PTPRD: variants seen among roughly 807,000 people sequenced by gnomAD.
PTPRD encodes the protein protein tyrosine phosphatase receptor type D, also known as receptor-type tyrosine-protein phosphatase delta.
PTPRD carries 34 observed loss-of-function variants against 214.5 expected under a neutral mutation model. The observed-to-expected ratio is 0.16, with a 90% CI of 0.12 to 0.21. The LOEUF is 0.21. PTPRD is among the 10% of genes least tolerant of loss of function. PTPRD has a pLI of 1.00. For missense variants in PTPRD, 2,545 were observed against 2,398.7 expected, an observed-to-expected ratio of 1.06 and a Z score of -1.27; for synonymous variants, 1,128 against 845.7, an observed-to-expected ratio of 1.33 and a Z score of -5.79.
chr9:8,788,253 A>ATTTTTTTTTT (rs776984034), intron 11 of PTPRD, among the ~76,000 whole-genome samples: 2 of 85,264 alleles, frequency 2.3e-5, no homozygotes, highest in Non-Finnish European at 4.2e-5. Flanking sequence ...ATATAAGATG[A>ATTTTTTTTTT]TTTTTTTTTT....
At chr9:9,976,638 T>C (rs1012862212) in intron 4 of PTPRD, among the ~76,000 whole-genome samples, 3 of 130,508 alleles carry the variant, frequency 2.3e-5, no homozygotes, top group African/African-American at 9.0e-5. Context: ...TCCCCCGCCT[T>C]GACCTCCCAA....
At chr9:8,994,897 GC>G (rs1230616367) in intron 11 of PTPRD, among the ~76,000 whole-genome samples, 1 of 152,048 alleles carries the variant, frequency 6.6e-6, no homozygotes, top group Admixed American at 6.6e-5. Context: ...TCAAAATTAA[GC>G]TAAAGGGAAC....
intron 9 of PTPRD, among the ~76,000 whole-genome samples, chr9:9,232,730 C>G (rs1296093018): frequency 1.3e-5 from 2 of 152,030 alleles, no homozygotes; most frequent in East Asian, 3.9e-4. Flanking sequence ...AAACAATACT[C>G]CAAAGTATGG....
chr9:9,289,471 G>A (rs993092614), intron 9 of PTPRD, among the ~76,000 whole-genome samples: 1 of 151,704 alleles, frequency 6.6e-6, no homozygotes, highest in African/African-American at 2.4e-5. Flanking sequence ...ACTACCCACA[G>A]TTACTATTTG....
At chr9:10,321,292 A>T (rs1052906344) in intron 3 of PTPRD, among the ~76,000 whole-genome samples, 1 of 152,082 alleles carries the variant, frequency 6.6e-6, no homozygotes, top group Admixed American at 6.6e-5. Context: ...CAGTCAGAGA[A>T]AACATCTCTG....
chr9:10,460,103 T>G (rs1193910021), intron 2 of PTPRD, among the ~76,000 whole-genome samples: 1 of 151,868 alleles, frequency 6.6e-6, no homozygotes, highest in African/African-American at 2.4e-5. Context: ...AATAACGACC[T>G]AGACCAAAAA....
intron 6 of PTPRD, among the ~76,000 whole-genome samples, chr9:9,753,748 T>C (rs567163047): frequency 1.3e-5 from 2 of 152,118 alleles, no homozygotes; most frequent in South Asian, 4.1e-4. Context: ...GTGTAATTAT[T>C]GGGCCTCTAA....
At chr9:9,209,409 C>T (rs1326975750) in intron 9 of PTPRD, among the ~76,000 whole-genome samples, 2 of 152,020 alleles carry the variant, frequency 1.3e-5, no homozygotes, top group African/African-American at 2.4e-5. Flanking sequence ...CATCTGGATT[C>T]AGATACAAGT....
intron 3 of PTPRD, among the ~76,000 whole-genome samples, chr9:10,103,873 T>C (rs1007991804): frequency 6.6e-6 from 1 of 151,656 alleles, no homozygotes; most frequent in Admixed American, 6.6e-5. Context: ...GACAGCACCA[T>C]TCTTCACAAT....
intron 14 of PTPRD, among the ~76,000 whole-genome samples, chr9:8,545,040 G>T: frequency 6.6e-6 from 1 of 151,862 alleles, no homozygotes; most frequent in East Asian, 1.9e-4. Flanking sequence ...TTCTTAATAT[G>T]ACAGAGACTT....
intron 14 of PTPRD, among the ~76,000 whole-genome samples, chr9:8,555,270 G>C (rs1197263550): frequency 6.6e-6 from 1 of 152,132 alleles, no homozygotes; most frequent in Non-Finnish European, 1.5e-5. Flanking sequence ...AGCCAAGCAT[G>C]ACAGTGTGTT....
rs970644843 is a variant in PTPRD, at chr9:8,339,332, G to T, written c.5254-285C>A. On this transcript the variant is annotated intron_variant, in intron 42 of 45. Coordinates refer to ENST00000381196, the MANE Select transcript of PTPRD (RefSeq NM_002839.4). The stretch of plus-strand genomic sequence containing the variant: ...GAATTGAGAATTGAATACTTTCATA[G>T]GGTAAGCATCTTCATACCTACAAGT... 8.5e-5 allele frequency among the ~76,000 whole-genome samples: 13 copies of T among 152,164 alleles called. No individual in the cohort carries two copies. The South Asian group carries it at 1.0e-3, about 12-fold the overall frequency.
At chr9:9,688,810 G>C (rs760197002) in intron 7 of PTPRD, among the ~76,000 whole-genome samples, 2 of 151,550 alleles carry the variant, frequency 1.3e-5, no homozygotes, top group African/African-American at 2.4e-5. Context: ...AATCTTCCAA[G>C]TTCCAGAGAT....
intron 3 of PTPRD, among the ~76,000 whole-genome samples, chr9:10,064,890 C>G (rs2154172969): frequency 6.6e-6 from 1 of 152,040 alleles, no homozygotes; most frequent in East Asian, 1.9e-4. Context: ...TGGCCTTGGC[C>G]AGTGTCTTAC....
intron 12 of PTPRD, among the ~76,000 whole-genome samples, chr9:8,681,237 T>C (rs952249529): frequency 2.0e-5 from 3 of 152,186 alleles, no homozygotes; most frequent in African/African-American, 7.2e-5. Context: ...AATCAGTTTT[T>C]AGTTAATGGT....
At chr9:10,061,113 G>C (rs758785072) in intron 3 of PTPRD, among the ~76,000 whole-genome samples, 5 of 151,674 alleles carry the variant, frequency 3.3e-5, no homozygotes, top group Admixed American at 3.3e-4. Flanking sequence ...TCAGCCAAGG[G>C]TATGATATAT....
chr9:8,940,277 CT>C (rs2099023533), intron 11 of PTPRD, among the ~76,000 whole-genome samples: 1 of 18,162 alleles, frequency 5.5e-5, no homozygotes, highest in African/African-American at 1.3e-4. Flanking sequence ...CTCTCTCTCT[CT>C]CCTTTTTTTT....
At chr9:9,506,786 G>A (rs1460672150) in intron 8 of PTPRD, among the ~76,000 whole-genome samples, 2 of 151,320 alleles carry the variant, frequency 1.3e-5, no homozygotes, top group African/African-American at 2.4e-5. Context: ...TCTACCAGTG[G>A]TGTTTAAAGG....
intron 11 of PTPRD, among the ~76,000 whole-genome samples, chr9:8,854,742 T>C (rs2097883012): frequency 6.6e-6 from 1 of 152,192 alleles, no homozygotes; most frequent in Non-Finnish European, 1.5e-5. Context: ...CAGATTTTCT[T>C]TCCATACAAA....
Sources: gnomAD v4.1 joint callset for allele counts (sites outside exome capture counted in the v4.1 genomes callset) on GRCh38, gnomAD v4.1.1 for gene constraint, MANE v1.5 for transcripts, NCBI Gene and HGNC (gene_info 2026-07-23, HGNC 2026-07-21) for gene names.